Variants in KCNQ3 observed in about 807,000 individuals in gnomAD.
The protein encoded by KCNQ3 is potassium voltage-gated channel subfamily KQT member 3.
A neutral mutation model predicts 92.5 loss-of-function variants in KCNQ3; 30 were observed. The ratio of observed to expected loss-of-function variants is 0.32; its 90% CI spans 0.24 to 0.44. The LOEUF is 0.44. KCNQ3 is among the 20% of genes least tolerant of loss of function. The pLI is 1.00. For synonymous variants in KCNQ3, 450 were observed against 468.8 expected (o/e 0.96, Z 0.52); for missense variants, 913 against 1,140.3 (o/e 0.80, Z 2.87).
intron 1 of KCNQ3, among the ~76,000 whole-genome samples, chr8:132,318,852 AC>A (rs1455691585): frequency 6.6e-6 from 1 of 152,108 alleles, no homozygotes; most frequent in Non-Finnish European, 1.5e-5. Context: ...AGGAATTTTT[AC>A]CTCTAAAGAT....
chr8:132,350,106 A>C (rs1209412636), intron 1 of KCNQ3, among the ~76,000 whole-genome samples: 1 of 152,146 alleles, frequency 6.6e-6, no homozygotes, highest in East Asian at 1.9e-4. Context: ...GTGCCTCCCC[A>C]CTCCCAAATG....
At chr8:132,406,067 T>G (rs1440092632) in intron 1 of KCNQ3, among the ~76,000 whole-genome samples, 1 of 152,146 alleles carries the variant, frequency 6.6e-6, no homozygotes, top group African/African-American at 2.4e-5. Context: ...TTTTGCGAAC[T>G]GGGAGTAATT....
chr8:132,242,443 A>G (rs1815027171), intron 1 of KCNQ3, among the ~76,000 whole-genome samples: 2 of 152,178 alleles, frequency 1.3e-5, no homozygotes, highest in Admixed American at 6.5e-5. Flanking sequence ...AGAGGTGTCA[A>G]TGCACCTGCC....
chr8:132,238,394 A>C (rs1814883709), intron 1 of KCNQ3, among the ~76,000 whole-genome samples: 1 of 152,160 alleles, frequency 6.6e-6, no homozygotes, highest in Non-Finnish European at 1.5e-5. Flanking sequence ...AGGGTAAGGC[A>C]TCCTCTCCTC....
At chr8:132,418,016 G>A (rs904147645) in intron 1 of KCNQ3, among the ~76,000 whole-genome samples, 3 of 152,028 alleles carry the variant, frequency 2.0e-5, no homozygotes, top group African/African-American at 4.8e-5. Context: ...TTTCTCCACC[G>A]AGCCACACCC....
At chr8:132,197,512 T>C (rs1292498246) in intron 1 of KCNQ3, among the ~76,000 whole-genome samples, 3 of 152,206 alleles carry the variant, frequency 2.0e-5, no homozygotes, top group Non-Finnish European at 4.4e-5. Flanking sequence ...AGCTAGGAAC[T>C]TCCAGGTCCA....
intron 1 of KCNQ3, among the ~76,000 whole-genome samples, chr8:132,295,829 A>G (rs1005067551): frequency 1.3e-5 from 2 of 152,210 alleles, no homozygotes; most frequent in Non-Finnish European, 2.9e-5. Context: ...TGGGAGCTGA[A>G]CAGTGAGAAC....
intron 1 of KCNQ3, among the ~76,000 whole-genome samples, chr8:132,273,440 C>T (rs1253920192): frequency 6.6e-6 from 1 of 152,188 alleles, no homozygotes; most frequent in Admixed American, 6.5e-5. Context: ...CATGGGGACC[C>T]TGGGCCCAGC....
intron 1 of KCNQ3, among the ~76,000 whole-genome samples, chr8:132,286,880 G>T (rs956889534): frequency 4.6e-5 from 7 of 152,184 alleles, no homozygotes; most frequent in African/African-American, 1.7e-4. Flanking sequence ...AGAGTGGGTT[G>T]TTATGAGGAG....
chr8:132,472,536 C>T (rs1006018209), intron 1 of KCNQ3, among the ~76,000 whole-genome samples: 1 of 152,028 alleles, frequency 6.6e-6, no homozygotes, highest in Non-Finnish European at 1.5e-5. Flanking sequence ...TGTTCTTACC[C>T]ATATGTGGGA....
chr8:132,267,908 A>G (rs1341172859), intron 1 of KCNQ3, among the ~76,000 whole-genome samples: 2 of 152,206 alleles, frequency 1.3e-5, no homozygotes, highest in Admixed American at 6.5e-5. Context: ...CACAATTGTT[A>G]CAACTGATGA....
chr8:132,300,648 T>C (rs539110830), intron 1 of KCNQ3, among the ~76,000 whole-genome samples: 215 of 152,226 alleles, frequency 1.4e-3, no homozygotes, highest in Middle Eastern at 0.01. Context: ...AATAGCTATG[T>C]TTTCCAAAAC....
At chr8:132,303,846 TTA>T (rs1347973575) in intron 1 of KCNQ3, among the ~76,000 whole-genome samples, 5 of 149,932 alleles carry the variant, frequency 3.3e-5, no homozygotes, top group African/African-American at 4.9e-5. Context: ...ACAGAAAATA[TTA>T]TATGTGTATA....
chr8:132,401,555 T>C (rs552437828), intron 1 of KCNQ3, among the ~76,000 whole-genome samples: 2 of 152,290 alleles, frequency 1.3e-5, no homozygotes, highest in South Asian at 4.1e-4. Flanking sequence ...TTTGTATTTT[T>C]AGTAGAGATG....
At chr8:132,189,716 C>G (rs1381941325) in intron 1 of KCNQ3, among the ~76,000 whole-genome samples, 2 of 151,702 alleles carry the variant, frequency 1.3e-5, no homozygotes, top group Non-Finnish European at 2.9e-5. Context: ...ATCCCAGCTA[C>G]TCGAGAGGCT....
chr8:132,463,477 A>T (rs1032983161), intron 1 of KCNQ3, among the ~76,000 whole-genome samples: 1 of 152,240 alleles, frequency 6.6e-6, no homozygotes, highest in Non-Finnish European at 1.5e-5. Flanking sequence ...CACTCAAGTG[A>T]ACCGAAAACT....
intron 1 of KCNQ3, among the ~76,000 whole-genome samples, chr8:132,385,316 T>A (rs1819861553): frequency 6.6e-6 from 1 of 152,260 alleles, no homozygotes; most frequent in Non-Finnish European, 1.5e-5. Flanking sequence ...AGGTACTTCC[T>A]TAGAAATAGC....
intron 7 of KCNQ3, among the ~76,000 whole-genome samples, chr8:132,171,066 G>A (rs1243175078): frequency 6.6e-6 from 1 of 151,842 alleles, no homozygotes; most frequent in Non-Finnish European, 1.5e-5. Context: ...AGAAACAAGT[G>A]CCACTCTTTC....
rs150484058 is a variant in KCNQ3 at position 132,316,479 on chromosome 8, C to T, written c.387-130298G>A. 2.1e-3 allele frequency among the ~76,000 whole-genome samples: 327 copies of T among 152,324 alleles called. 1 individual carries two copies. The highest frequency in any genetic ancestry group is 7.3e-3 in the African/African-American group (304 of 41,578). ...AGCTTCTGATTTCTCATTAGTAAAG[C>T]AGGAAAAACAGGAGTTCCTTCAACA... On this transcript the variant is annotated intron_variant, in intron 1 of 14. Transcript: ENST00000388996.
Sources: allele counts gnomAD v4.1 joint callset (sites outside exome capture counted in the v4.1 genomes callset), GRCh38; gene constraint gnomAD v4.1.1; transcripts MANE v1.5; gene names NCBI Gene and HGNC (gene_info 2026-07-23, HGNC 2026-07-21).